Variants in FSCN2 observed in about 807,000 individuals in gnomAD.
The protein encoded by FSCN2 is fascin actin-bundling protein 2, retinal, also known as fascin-2.
In FSCN2, 46 loss-of-function variants were observed where a neutral mutation model predicts 37.8. The ratio of observed to expected loss-of-function variants is 1.22; its 90% confidence interval spans 0.96 to 1.56. FSCN2 has a LOEUF of 1.56. Among genes scored for constraint, FSCN2 ranks in the 40% most tolerant of loss-of-function variants. The pLI is 0.00. For missense variants in FSCN2, 844 were observed against 730.4 expected, an observed-to-expected ratio of 1.16 and a Z score of -1.79; for synonymous variants, 351 against 309.4, an observed-to-expected ratio of 1.13 and a Z score of -1.41.
chr17:81,531,438 G>T (rs1471728250), intron 1 of FSCN2, among the ~76,000 whole-genome samples: 1 of 84,352 alleles, frequency 1.2e-5, no homozygotes, highest in South Asian at 4.2e-4. Context: ...GATGGAGATG[G>T]TGGTGATGGT....
the FSCN2 span, among the ~76,000 whole-genome samples, chr17:81,520,133 C>T: frequency 2.0e-5 from 3 of 152,160 alleles, no homozygotes; most frequent in East Asian, 1.9e-4. Context: ...AGGTTGTTTG[C>T]GGCTGGGCTG....
At chr17:81,521,635 A>G in the FSCN2 span, among the ~76,000 whole-genome samples, 1 of 152,090 alleles carries the variant, frequency 6.6e-6, no homozygotes, top group Non-Finnish European at 1.5e-5. Context: ...GCCTCCCAAA[A>G]TGCTGGGATT....
At chr17:81,531,726 G>GTGA (rs1555671369) in intron 1 of FSCN2, among the ~76,000 whole-genome samples, 2,409 of 109,300 alleles carry the variant, frequency 0.022, 177 homozygotes, top group African/African-American at 0.09. Context: ...GGTGGTGATG[G>GTGA]TGATGGTGAT....
upstream of FSCN2, among the ~76,000 whole-genome samples, chr17:81,526,039 G>A (rs539240927): frequency 7.2e-5 from 11 of 152,354 alleles, no homozygotes; most frequent in East Asian, 1.2e-3. Context: ...CTGAGGAGCC[G>A]CCATCATTTC....
At chr17:81,536,821 CG>C (rs2032897263) in intron 4 of FSCN2, 32 bp downstream of exon 4, 1 of 1,533,602 alleles carries the variant, frequency 6.5e-7, no homozygotes. Flanking sequence ...CACGCGGGAG[CG>C]GGGGTGGCAG....
upstream of FSCN2, among the ~76,000 whole-genome samples, chr17:81,528,014 G>C (rs932675910): frequency 2.6e-5 from 4 of 152,134 alleles, no homozygotes; most frequent in Non-Finnish European, 5.9e-5. Flanking sequence ...ATCAGGTTGC[G>C]GCCGAGCCGT....
intron 1 of FSCN2, among the ~76,000 whole-genome samples, chr17:81,532,035 ATGATGATGG>A (rs1256954151): frequency 2.8e-3 from 65 of 23,238 alleles, no homozygotes; most frequent in African/African-American, 6.7e-3. Context: ...AGTGATGGTG[ATGATGATGG>A]TGATGATGGT....
chr17:81,531,462 A>G (rs796371042), intron 1 of FSCN2, among the ~76,000 whole-genome samples: 56 of 34,830 alleles, frequency 1.6e-3, no homozygotes, highest in South Asian at 3.0e-3. Flanking sequence ...GGTGATGGTG[A>G]TGATGGTGGT....
At chr17:81,528,105 G>A (rs528005871), upstream of FSCN2, among the ~76,000 whole-genome samples, 1 of 152,296 alleles carries the variant, frequency 6.6e-6, no homozygotes, top group South Asian at 2.1e-4. Context: ...TGGAGGAGGG[G>A]GGCAGGAACG....
intron 1 of FSCN2, chr17:81,530,588 A>C (rs376404502): frequency 1.9e-6 from 1 of 514,970 alleles, no homozygotes. Flanking sequence ...AGGTCCTTCC[A>C]GACCAGCATC....
upstream of FSCN2, among the ~76,000 whole-genome samples, chr17:81,525,196 C>T (rs111229542): frequency 6.6e-6 from 1 of 151,354 alleles, no homozygotes; most frequent in East Asian, 1.9e-4. Context: ...GAGGCCGAGG[C>T]AGGTGGATCA....
chr17:81,535,183 G>C lies in FSCN2; in HGVS notation c.958G>C (p.Gly320Arg). ...CTACTGGACCCTGGTCACCCATGGG[G>C]GCATTCACGCCACAGCCACACAAGT... The part of the protein sequence containing the change: ...GGYWTLVTHG[G>R]IHATATQVSA... The change falls in exon 2 of 5, where the codon GGC becomes CGC. Residue 320 changes from glycine to arginine, a missense_variant. Physicochemically the swap from Gly to Arg is moderately radical, Grantham distance 125. Coordinates refer to ENST00000417245, the MANE Select transcript of FSCN2 (RefSeq NM_012418.4). 1 of 1,532,898 alleles carries C rather than the reference G, an allele frequency of 6.5e-7. No individual in the cohort carries two copies. The highest frequency in any genetic ancestry group is 8.7e-7 in the Non-Finnish European group (1 of 1,145,076). 95.0% of individuals were successfully genotyped at this position (1,532,898 alleles called of 1,614,324 possible).
upstream of FSCN2, chr17:81,527,812 C>T (rs2032395416): frequency 6.5e-6 from 1 of 152,720 alleles, no homozygotes; most frequent in African/African-American, 2.4e-5. Flanking sequence ...GTGTTCCACC[C>T]TCCAGCGTGG....
At chr17:81,520,392 GC>G in the FSCN2 span, among the ~76,000 whole-genome samples, 3 of 152,284 alleles carry the variant, frequency 2.0e-5, no homozygotes, top group East Asian at 5.8e-4. Context: ...ACCCTGGGGA[GC>G]CCCCTATGCC....
At chr17:81,515,943 C>T in the FSCN2 span, among the ~76,000 whole-genome samples, 1,254 of 152,396 alleles carry the variant, frequency 8.2e-3, 16 homozygotes, top group African/African-American at 0.028. Context: ...CTCCGGGGTT[C>T]AAGCGATTCT....
chr17:81,535,380 G>GCCATCC (rs1304338810), intron 2 of FSCN2, among the ~76,000 whole-genome samples, 172 bp downstream of exon 2: 14 of 107,440 alleles, frequency 1.3e-4, no homozygotes, highest in South Asian at 1.0e-3. Flanking sequence ...CACCATCATC[G>GCCATCC]CCATCCCCAT....
At chr17:81,529,667 A>C (rs1240179035) in intron 1 of FSCN2, 1 of 624,158 alleles carries the variant, frequency 1.6e-6, no homozygotes, top group Non-Finnish European at 3.0e-6. Flanking sequence ...GAGACTGGAG[A>C]GGTGTGGGCC....
intron 1 of FSCN2, among the ~76,000 whole-genome samples, chr17:81,531,621 ATGGTGGTGGTGATGG>A (rs1444863400): frequency 1.0e-4 from 10 of 97,008 alleles, no homozygotes; most frequent in African/African-American, 2.5e-4. Flanking sequence ...GATGATGGTG[ATGGTGGTGGTGATGG>A]TGGTGGTGGT....
At chr17:81,523,125 G>A in the FSCN2 span, among the ~76,000 whole-genome samples, 1 of 152,336 alleles carries the variant, frequency 6.6e-6, no homozygotes, top group African/African-American at 2.4e-5. Flanking sequence ...CCAGCAGACT[G>A]TGTGGGCTGT....
Sources: allele counts gnomAD v4.1 joint callset (sites outside exome capture counted in the v4.1 genomes callset), GRCh38; gene constraint gnomAD v4.1.1; transcripts MANE v1.5; gene names NCBI Gene and HGNC (gene_info 2026-07-23, HGNC 2026-07-21).